ABCD2: variants seen among roughly 807,000 people sequenced by gnomAD.
The protein encoded by ABCD2 is ATP binding cassette subfamily D member 2.
Under a neutral mutation model 70.9 loss-of-function variants are expected in ABCD2, and 36 were observed. The observed-to-expected ratio is 0.51, with a 90% CI of 0.39 to 0.67. The LOEUF (loss-of-function observed/expected upper bound fraction) is 0.67, where lower values mean the gene tolerates loss of function less well. Ranked by LOEUF, ABCD2 falls within the 30% of genes least tolerant of loss-of-function variation. ABCD2 has a pLI of 0.00. For missense variants in ABCD2, 729 were observed against 890.2 expected, an observed-to-expected ratio of 0.82 and a Z score of 2.30; for synonymous variants, 304 against 306.9, an observed-to-expected ratio of 0.99 and a Z score of 0.10.
chr12:39,573,651 A>C, intron 9 of ABCD2, 65 bp downstream of exon 9: 1 of 1,556,264 alleles, frequency 6.4e-7, no homozygotes, highest in Non-Finnish European at 8.7e-7. Flanking sequence ...AAAATTTAGC[A>C]AAGTTATTTT....
At chr12:39,566,614 T>C (rs563551399) in intron 9 of ABCD2, among the ~76,000 whole-genome samples, 113 of 152,326 alleles carry the variant, frequency 7.4e-4, no homozygotes, top group African/African-American at 2.6e-3. Flanking sequence ...GAAAGGTTTT[T>C]TGTGTCTCTA....
chr12:39,592,154 C>T (rs1941755323), intron 6 of ABCD2, among the ~76,000 whole-genome samples: 1 of 152,134 alleles, frequency 6.6e-6, no homozygotes, highest in Admixed American at 6.5e-5. Flanking sequence ...GGTATTTATA[C>T]AAAGATTACT....
chr12:39,562,306 C>G (rs562927996), intron 9 of ABCD2, among the ~76,000 whole-genome samples: 2 of 151,566 alleles, frequency 1.3e-5, no homozygotes, highest in East Asian at 1.9e-4. Context: ...CAAATCCAAA[C>G]CAAAACTAGT....
At chr12:39,573,051 T>C (rs1360878765) in intron 9 of ABCD2, among the ~76,000 whole-genome samples, 1 of 152,116 alleles carries the variant, frequency 6.6e-6, no homozygotes, top group Non-Finnish European at 1.5e-5. Flanking sequence ...ATCTGTAAAA[T>C]AGGAAGATTA....
chr12:39,545,295 G>T (rs560140166), downstream of ABCD2, among the ~76,000 whole-genome samples: 7 of 152,118 alleles, frequency 4.6e-5, no homozygotes, highest in Non-Finnish European at 1.0e-4. Flanking sequence ...GGAATCTCAG[G>T]TAAGATTTTT....
intron 9 of ABCD2, among the ~76,000 whole-genome samples, chr12:39,564,518 T>C (rs1432864711): frequency 6.6e-6 from 1 of 152,238 alleles, no homozygotes; most frequent in East Asian, 1.9e-4. Flanking sequence ...CATTGTAGAT[T>C]CTGGATATTA....
chr12:39,575,638 GC>G (rs1404440456), intron 8 of ABCD2, among the ~76,000 whole-genome samples: 1 of 152,110 alleles, frequency 6.6e-6, no homozygotes, highest in African/African-American at 2.4e-5. Flanking sequence ...ATTTTTGCCA[GC>G]TCAAGTCTTT....
chr12:39,579,642 C>T lies in ABCD2; in HGVS notation c.1793-23G>A, dbSNP rs775019612. On this transcript the variant is annotated intron_variant, in intron 7 of 9. Transcript: ENST00000308666. ...ATCCTTAAGAAAATAAAAAAATATA[C>T]ATTTTTATAAATCATTTGTTTAATT... 1.2e-5 allele frequency: 18 copies of T among 1,530,478 alleles called. No homozygotes were observed. In the East Asian group the frequency reaches 3.4e-4, roughly 29 times the overall value. The allele number at this position is 1,530,478 out of a possible 1,614,324, so 94.8% of individuals were successfully genotyped here.
intron 7 of ABCD2, among the ~76,000 whole-genome samples, chr12:39,582,406 G>A (rs1401618671): frequency 6.6e-6 from 1 of 152,154 alleles, no homozygotes; most frequent in Admixed American, 6.5e-5. Context: ...AATGATATAT[G>A]TAAATTCCAC....
chr12:39,609,197 A>G (rs988758346), intron 2 of ABCD2, among the ~76,000 whole-genome samples: 1 of 152,184 alleles, frequency 6.6e-6, no homozygotes, highest in Non-Finnish European at 1.5e-5. Context: ...GGATGGATGG[A>G]TGAACATCCT....
the ABCD2 span, among the ~76,000 whole-genome samples, chr12:39,539,070 C>T: frequency 2.6e-5 from 4 of 152,172 alleles, no homozygotes; most frequent in African/African-American, 9.7e-5. Context: ...AGGGTTCGAA[C>T]TTACACAAGA....
the ABCD2 span, among the ~76,000 whole-genome samples, chr12:39,531,688 C>T: frequency 2.6e-5 from 4 of 152,210 alleles, no homozygotes; most frequent in Non-Finnish European, 4.4e-5. Flanking sequence ...TTCAGTCTTT[C>T]TTAACTAAGG....
chr12:39,556,615 C>G (rs111344680), intron 9 of ABCD2, among the ~76,000 whole-genome samples: 2 of 152,078 alleles, frequency 1.3e-5, no homozygotes, highest in African/African-American at 4.8e-5. Context: ...ATAAATTACC[C>G]GGTCTAGGGC....
chr12:39,601,763 GTATT>G (rs1162094829), intron 5 of ABCD2, among the ~76,000 whole-genome samples: 1 of 152,050 alleles, frequency 6.6e-6, no homozygotes, highest in Non-Finnish European at 1.5e-5. Flanking sequence ...AGATGAAAGA[GTATT>G]ATTATATTGC....
chr12:39,559,020 A>G (rs2120538514), intron 9 of ABCD2, among the ~76,000 whole-genome samples: 1 of 152,298 alleles, frequency 6.6e-6, no homozygotes, highest in Admixed American at 6.5e-5. Context: ...AACTTATGAT[A>G]TGAAGAAAGA....
chr12:39,562,365 C>A (rs1328937552), intron 9 of ABCD2, among the ~76,000 whole-genome samples: 1 of 151,122 alleles, frequency 6.6e-6, no homozygotes, highest in Non-Finnish European at 1.5e-5. Context: ...TAAAATAGAG[C>A]CTGGAAAAAC....
intron 2 of ABCD2, 31 bp from the exon 3 acceptor site, chr12:39,607,745 G>GGT: frequency 1.3e-6 from 1 of 775,082 alleles, no homozygotes; most frequent in East Asian, 3.1e-5. Context: ...CAAAACTTGA[G>GGT]TTTTTTTTTT....
At chr12:39,564,581 C>A (rs1380373114) in intron 9 of ABCD2, among the ~76,000 whole-genome samples, 1 of 152,142 alleles carries the variant, frequency 6.6e-6, no homozygotes, top group African/African-American at 2.4e-5. Flanking sequence ...CTGTAGGTTG[C>A]CTGTTCACTC....
At chr12:39,609,421 C>T (rs1005890938) in intron 2 of ABCD2, among the ~76,000 whole-genome samples, 4 of 152,128 alleles carry the variant, frequency 2.6e-5, no homozygotes, top group East Asian at 1.9e-4. Context: ...CCGAATAAAG[C>T]GTTAGTGCAA....
Sources: gnomAD v4.1 joint callset for allele counts (sites outside exome capture counted in the v4.1 genomes callset) on GRCh38, gnomAD v4.1.1 for gene constraint, MANE v1.5 for transcripts, NCBI Gene and HGNC (gene_info 2026-07-23, HGNC 2026-07-21) for gene names.